The following HECW1 variants were observed in gnomAD, a reference collection of about 807,000 sequenced individuals.
HECW1 encodes E3 ubiquitin-protein ligase HECW1.
A neutral mutation model predicts 182.3 loss-of-function variants in HECW1; 61 were observed. The observed-to-expected ratio is 0.33, with a 90% CI of 0.27 to 0.41. HECW1 has a LOEUF of 0.41. HECW1 is among the 10% of genes least tolerant of loss of function. The pLI is 1.00. For synonymous variants in HECW1, 859 were observed against 832.6 expected, an observed-to-expected ratio of 1.03 and a Z score of -0.55; for missense variants, 1,739 against 2,108.9, an observed-to-expected ratio of 0.82 and a Z score of 3.44.
chr7:43,278,616 C>CTT (rs1288495780), intron 3 of HECW1, among the ~76,000 whole-genome samples: 2 of 152,072 alleles, frequency 1.3e-5, no homozygotes, highest in Non-Finnish European at 2.9e-5. Context: ...CTTTTGCCTT[C>CTT]TTTCCCCTTC....
intron 2 of HECW1, among the ~76,000 whole-genome samples, chr7:43,188,374 A>G (rs754664339): frequency 2.0e-5 from 3 of 152,190 alleles, no homozygotes; most frequent in Non-Finnish European, 4.4e-5. Context: ...TTTTAAATCA[A>G]GGAAATTCAG....
chr7:43,518,075 A>G (rs1045874700), intron 24 of HECW1, among the ~76,000 whole-genome samples: 3 of 152,232 alleles, frequency 2.0e-5, no homozygotes, highest in African/African-American at 7.2e-5. Context: ...CTTCAGGAAA[A>G]TCTAGGTGAA....
At chr7:43,247,518 G>A (rs2152722885) in intron 3 of HECW1, among the ~76,000 whole-genome samples, 1 of 152,286 alleles carries the variant, frequency 6.6e-6, no homozygotes, top group Admixed American at 6.5e-5. Context: ...CAGTGCACCT[G>A]CAGTCACAGT....
intron 2 of HECW1, among the ~76,000 whole-genome samples, chr7:43,227,647 A>AT (rs374941747): frequency 6.6e-6 from 1 of 152,158 alleles, no homozygotes. Context: ...GTTAATTGAC[A>AT]TTTTTTCTTA....
chr7:43,257,129 C>T (rs1309893993), intron 3 of HECW1, among the ~76,000 whole-genome samples: 1 of 152,092 alleles, frequency 6.6e-6, no homozygotes, highest in Non-Finnish European at 1.5e-5. Context: ...TGGGGCCACC[C>T]GAATGCACAA....
At position 43,472,344 on chromosome 7, in the gene HECW1, C is replaced by G. The variant is rs1156440267; in HGVS notation, c.3099+3239C>G. On this transcript the variant is annotated intron_variant, in intron 16 of 29. Transcript: ENST00000395891. ...TTCCCTGACCCCTAGGCCATGTGCTCCCCCATGTCACTTACACATTTATTA... is the reference window on the plus strand; with the variant it reads ...TTCCCTGACCCCTAGGCCATGTGCTGCCCCATGTCACTTACACATTTATTA... Among the ~76,000 whole-genome samples, 6 of 152,330 alleles carry G rather than the reference C, an allele frequency of 3.9e-5. No individual in the cohort carries two copies. The East Asian group carries it at 1.2e-3, about 29-fold the overall frequency.
intron 3 of HECW1, among the ~76,000 whole-genome samples, chr7:43,310,589 C>T (rs1013571311): frequency 5.3e-5 from 8 of 152,300 alleles, no homozygotes; most frequent in African/African-American, 1.4e-4. Flanking sequence ...AGAATGCCAA[C>T]GCTGTGCTTT....
intron 5 of HECW1, among the ~76,000 whole-genome samples, chr7:43,336,124 T>TTCTTTCTTTCTCTC (rs1313057919): frequency 4.7e-5 from 3 of 64,248 alleles, no homozygotes; most frequent in Non-Finnish European, 9.0e-5. Context: ...CTTTCTTTCT[T>TTCTTTCTTTCTCTC]TCTCTCTCTC....
intron 2 of HECW1, among the ~76,000 whole-genome samples, chr7:43,190,098 G>T (rs1032926993): frequency 1.3e-5 from 2 of 151,940 alleles, no homozygotes; most frequent in African/African-American, 4.8e-5. Flanking sequence ...TGTTGTTGTT[G>T]TTGTTGTTTG....
intron 4 of HECW1, among the ~76,000 whole-genome samples, chr7:43,318,368 T>C (rs547013619): frequency 1.3e-5 from 2 of 152,354 alleles, no homozygotes; most frequent in South Asian, 2.1e-4. Context: ...GCAATCTTCA[T>C]GGTAACCCAA....
chr7:43,303,217 C>T (rs1807084004), intron 3 of HECW1, among the ~76,000 whole-genome samples: 1 of 152,090 alleles, frequency 6.6e-6, no homozygotes, highest in South Asian at 2.1e-4. Flanking sequence ...CAGTCCTAGA[C>T]TTGAGCAAAG....
At chr7:43,356,633 T>C (rs1815175574) in intron 5 of HECW1, among the ~76,000 whole-genome samples, 2 of 152,164 alleles carry the variant, frequency 1.3e-5, no homozygotes, top group African/African-American at 4.8e-5. Context: ...GAATAGACCA[T>C]GTATTAAGCC....
At chr7:43,443,771 C>G (rs1003240229) in intron 10 of HECW1, among the ~76,000 whole-genome samples, 1 of 152,124 alleles carries the variant, frequency 6.6e-6, no homozygotes, top group African/African-American at 2.4e-5. Context: ...TCCTGCTTAC[C>G]CCTTATGCCA....
intron 20 of HECW1, 30 bp from the exon 21 acceptor site, chr7:43,501,183 C>CTTTTTTTTTTTTTTTTTTTTCTTTT: frequency 2.7e-6 from 2 of 744,856 alleles, no homozygotes; most frequent in East Asian, 2.8e-5. Context: ...TCTTTTCTTT[C>CTTTTTTTTTTTTTTTTTTTTCTTTT]TTTTTTTTTT....
chr7:43,273,343 T>G (rs577881815), intron 3 of HECW1, among the ~76,000 whole-genome samples: 2 of 151,850 alleles, frequency 1.3e-5, no homozygotes, highest in South Asian at 4.2e-4. Context: ...TAAAGATAAA[T>G]AAATAAATAG....
intron 7 of HECW1, among the ~76,000 whole-genome samples, chr7:43,401,567 G>GTGTTT (rs373963162): frequency 2.4e-5 from 3 of 123,188 alleles, no homozygotes; most frequent in African/African-American, 9.0e-5. Flanking sequence ...ATTTAAAAAG[G>GTGTTT]TTTTTTTTTT....
At chr7:43,188,996 C>T (rs1793655759) in intron 2 of HECW1, among the ~76,000 whole-genome samples, 1 of 152,216 alleles carries the variant, frequency 6.6e-6, no homozygotes, top group African/African-American at 2.4e-5. Context: ...GCAATACATC[C>T]TGAGTGATGC....
At chr7:43,453,276 G>A (rs2077294164) in intron 12 of HECW1, among the ~76,000 whole-genome samples, 1 of 152,206 alleles carries the variant, frequency 6.6e-6, no homozygotes, top group South Asian at 2.1e-4. Flanking sequence ...GGTGGGAGCA[G>A]TGGAGGTGGT....
chr7:43,178,053 A>AGGCTGG lies in HECW1; in HGVS notation c.-32+63663_-32+63668dup, dbSNP rs1792433021. 5.3e-5 allele frequency among the ~76,000 whole-genome samples: 8 copies of AGGCTGG among 152,298 alleles called. No individual in the cohort carries two copies. In the South Asian group the frequency reaches 1.5e-3, roughly 28 times the overall value. ...GAGACAGAGTCTCGCTCTGTCACCC[A>AGGCTGG]GGCTGGAGTGCAGTGGCATGATCTT... On this transcript the variant is annotated intron_variant, in intron 2 of 29. Transcript: ENST00000395891.
Sources: gnomAD v4.1 joint callset for allele counts (sites outside exome capture counted in the v4.1 genomes callset) on GRCh38, gnomAD v4.1.1 for gene constraint, MANE v1.5 for transcripts, NCBI Gene and HGNC (gene_info 2026-07-23, HGNC 2026-07-21) for gene names.